The following BCAS3 variants were observed in gnomAD, a reference collection of about 807,000 sequenced individuals.
The protein encoded by BCAS3 is BCAS4/BCAS3 fusion.
In BCAS3, 53 loss-of-function variants were observed where a neutral mutation model predicts 116.1. The observed-to-expected ratio is 0.46, with a 90% CI of 0.37 to 0.57. The LOEUF (loss-of-function observed/expected upper bound fraction) is 0.57. Ranked by LOEUF, BCAS3 falls within the 20% of genes least tolerant of loss-of-function variation. BCAS3 has a pLI of 0.00. For missense variants in BCAS3, 917 were observed against 1,165.4 expected, an observed-to-expected ratio of 0.79 and a Z score of 3.10; for synonymous variants, 391 against 408.2, an observed-to-expected ratio of 0.96 and a Z score of 0.51.
chr17:61,350,868 A>G (rs143620940), intron 22 of BCAS3, among the ~76,000 whole-genome samples: 30 of 152,260 alleles, frequency 2.0e-4, no homozygotes, highest in African/African-American at 6.7e-4. Context: ...TCCCAAGCTC[A>G]GATGCTTCCC....
chr17:61,070,257 G>A (rs758266341), intron 19 of BCAS3: 3 of 1,490,882 alleles, frequency 2.0e-6, no homozygotes, highest in South Asian at 1.1e-5. Context: ...CCCTGATTTG[G>A]CCTGATGGAG....
At chr17:61,121,906 T>A (rs2075812216) in intron 22 of BCAS3, among the ~76,000 whole-genome samples, 1 of 152,100 alleles carries the variant, frequency 6.6e-6, no homozygotes, top group South Asian at 2.1e-4. Context: ...ATTTTTGGAT[T>A]TTTAGTAGAG....
At chr17:60,786,683 G>A (rs1418646878) in intron 6 of BCAS3, among the ~76,000 whole-genome samples, 1 of 151,976 alleles carries the variant, frequency 6.6e-6, no homozygotes, top group Non-Finnish European at 1.5e-5. Flanking sequence ...ACTTTGGTAT[G>A]GGAGCCTGCA....
rs1236379072 is a variant in BCAS3 at position 61,362,257 on chromosome 17, T to C, written c.2426-6070T>C. On this transcript the variant is annotated intron_variant, in intron 22 of 23. Transcript: ENST00000407086. The surrounding 1 kb of genome is among the most constrained non-coding windows in gnomAD (Gnocchi z 4.4). ...CTGGTTCCCCTCATCATGCCTGGGATCATTTCTTAGTTATTGTAGACGTCA... is the reference window on the plus strand; with the variant it reads ...CTGGTTCCCCTCATCATGCCTGGGACCATTTCTTAGTTATTGTAGACGTCA... 6.6e-6 allele frequency among the ~76,000 whole-genome samples: 1 copy of C among 152,178 alleles called. No homozygotes were observed. The highest frequency in any genetic ancestry group is 2.4e-5 in the African/African-American group (1 of 41,460).
intron 2 of BCAS3, among the ~76,000 whole-genome samples, chr17:60,683,057 A>G (rs2033424211): frequency 2.0e-5 from 3 of 152,116 alleles, no homozygotes; most frequent in South Asian, 4.1e-4. Flanking sequence ...GGCACATGCT[A>G]CTGCATCCAG....
At chr17:60,745,861 A>G (rs2041973863) in intron 5 of BCAS3, among the ~76,000 whole-genome samples, 1 of 152,170 alleles carries the variant, frequency 6.6e-6, no homozygotes, top group Non-Finnish European at 1.5e-5. Context: ...AGGCGTTATC[A>G]CAACTTAACA....
At chr17:61,101,715 T>C (rs2074338402) in intron 22 of BCAS3, among the ~76,000 whole-genome samples, 1 of 152,152 alleles carries the variant, frequency 6.6e-6, no homozygotes, top group South Asian at 2.1e-4. Flanking sequence ...TCTTGACTTG[T>C]GTTTTCACAT....
chr17:61,232,200 G>GGA (rs2082724993), intron 22 of BCAS3, among the ~76,000 whole-genome samples: 1 of 72,480 alleles, frequency 1.4e-5, no homozygotes. Flanking sequence ...GAAAGACTCC[G>GGA]AAAAAAAAAA....
intron 22 of BCAS3, among the ~76,000 whole-genome samples, chr17:61,170,517 C>T (rs981107051): frequency 2.0e-5 from 3 of 151,894 alleles, no homozygotes; most frequent in Non-Finnish European, 4.4e-5. Context: ...TGGTCTTGAT[C>T]TCCTGACCTC....
intron 15 of BCAS3, among the ~76,000 whole-genome samples, chr17:61,009,130 T>A (rs2064930986): frequency 6.6e-6 from 1 of 152,052 alleles, no homozygotes; most frequent in African/African-American, 2.4e-5. Context: ...GTGCCTAAAG[T>A]GGATAAGGTC....
At chr17:61,110,536 G>T (rs969070032) in intron 22 of BCAS3, among the ~76,000 whole-genome samples, 1 of 151,734 alleles carries the variant, frequency 6.6e-6, no homozygotes, top group Non-Finnish European at 1.5e-5. Flanking sequence ...TTTTCGGACC[G>T]GCTTAAAAAA....
At chr17:60,900,883 G>A (rs1247581347) in intron 10 of BCAS3, among the ~76,000 whole-genome samples, 1 of 151,950 alleles carries the variant, frequency 6.6e-6, no homozygotes, top group Non-Finnish European at 1.5e-5. Context: ...CTTTTGTGTA[G>A]AACTGCTGAC....
intron 22 of BCAS3, among the ~76,000 whole-genome samples, chr17:61,230,787 T>C (rs1278027006): frequency 6.6e-6 from 1 of 152,124 alleles, no homozygotes; most frequent in Non-Finnish European, 1.5e-5. Flanking sequence ...AATGATCTAT[T>C]TTCCTTTGGA....
chr17:61,248,940 T>C lies in BCAS3; in HGVS notation c.2426-119387T>C, dbSNP rs1302455352. 6.6e-6 allele frequency among the ~76,000 whole-genome samples: 1 copy of C among 152,190 alleles called. No homozygotes were observed. The highest frequency in any genetic ancestry group is 1.5e-5 in the Non-Finnish European group (1 of 68,024). On this transcript the variant is annotated intron_variant, in intron 22 of 23. Coordinates refer to ENST00000407086, the MANE Select transcript of BCAS3 (RefSeq NM_017679.5). This position sits in a 1 kb window ranked among gnomAD's most constrained non-coding sequence, Gnocchi z 4.3. ...AAAGATAAGACGTTGTTTAGATGAA[T>C]ATATATTCTTTTCCTGTGTATTCTA... is the stretch of plus-strand genomic sequence containing the variant.
chr17:61,322,732 G>A (rs2055320367), intron 22 of BCAS3, among the ~76,000 whole-genome samples: 1 of 151,282 alleles, frequency 6.6e-6, no homozygotes, highest in African/African-American at 2.4e-5. Flanking sequence ...TTTGGCAGAA[G>A]TAAGCCAAAA....
intron 12 of BCAS3, among the ~76,000 whole-genome samples, chr17:60,919,623 C>G (rs967910496): frequency 4.0e-5 from 6 of 151,776 alleles, no homozygotes; most frequent in Non-Finnish European, 7.4e-5. Flanking sequence ...ATGCCCGGCC[C>G]ACTTCTAATT....
At chr17:60,727,671 G>T (rs984850830) in intron 5 of BCAS3, among the ~76,000 whole-genome samples, 1 of 152,026 alleles carries the variant, frequency 6.6e-6, no homozygotes, top group Non-Finnish European at 1.5e-5. Context: ...TCCACATCGT[G>T]CACAACCTCC....
intron 7 of BCAS3, among the ~76,000 whole-genome samples, chr17:60,849,654 T>C (rs1314133389): frequency 1.3e-5 from 2 of 152,174 alleles, no homozygotes; most frequent in African/African-American, 2.4e-5. Flanking sequence ...TTTTAACAAA[T>C]ATCAGGCCGG....
rs773809886 is a variant in BCAS3 at position 60,990,060 on chromosome 17, T to C, written c.1311T>C (p.Tyr437=). ...GTSHVFPINP[Y]GGQPCVRTHM... is the part of the protein sequence containing the mutation. ...CCCACGTTTTCCCCATCAACCCTTA[T>C]GGTGGCCAGCCTTGTGTTCGTACAC... The change falls in exon 15 of 24, where the codon TAT becomes TAC. Residue 437 remains tyrosine (Y), a synonymous_variant. Transcript: ENST00000407086. This position sits in a 1 kb window ranked among gnomAD's most constrained non-coding sequence, Gnocchi z 5.1. The C allele has an allele frequency of 3.7e-6, 6 of 1,614,222 alleles. No individual in the cohort carries two copies. The highest frequency in any genetic ancestry group is 5.1e-6 in the Non-Finnish European group (6 of 1,180,042).
Sources: allele counts gnomAD v4.1 joint callset (sites outside exome capture counted in the v4.1 genomes callset), GRCh38; gene constraint gnomAD v4.1.1; non-coding constraint Gnocchi (gnomAD v3.1); transcripts MANE v1.5; gene names NCBI Gene and HGNC (gene_info 2026-07-23, HGNC 2026-07-21).